Variants in NRXN3 observed in about 807,000 individuals in gnomAD.
NRXN3 encodes the protein neurexin 3.
Under a neutral mutation model 137.6 loss-of-function variants are expected in NRXN3, and 32 were observed. The ratio of observed to expected loss-of-function variants is 0.23; its 90% CI spans 0.18 to 0.31. The LOEUF (loss-of-function observed/expected upper bound fraction) is 0.31. Among genes scored for constraint, NRXN3 ranks in the 10% least tolerant of loss-of-function variants. NRXN3 has a pLI of 1.00. For synonymous variants in NRXN3, 798 were observed against 784.5 expected, an observed-to-expected ratio of 1.02 and a Z score of -0.29; for missense variants, 1,574 against 2,062.5, an observed-to-expected ratio of 0.76 and a Z score of 4.59.
At chr14:78,495,827 T>C (rs918521975) in intron 4 of NRXN3, among the ~76,000 whole-genome samples, 1 of 152,214 alleles carries the variant, frequency 6.6e-6, no homozygotes, top group Non-Finnish European at 1.5e-5. Context: ...CCCTTGTTGC[T>C]GCCCCCATCA....
chr14:78,244,752 A>G (rs1400308589), intron 2 of NRXN3, among the ~76,000 whole-genome samples: 1 of 152,136 alleles, frequency 6.6e-6, no homozygotes, highest in African/African-American at 2.4e-5. Flanking sequence ...CATCCTCTCC[A>G]TGTACTGAGA....
At chr14:79,336,431 G>C (rs2092265914) in intron 15 of NRXN3, among the ~76,000 whole-genome samples, 1 of 152,158 alleles carries the variant, frequency 6.6e-6, no homozygotes, top group Non-Finnish European at 1.5e-5. Context: ...GCATACTTTG[G>C]TGTCCACAGT....
chr14:79,038,070 G>A (rs141562826), intron 15 of NRXN3, among the ~76,000 whole-genome samples: 12 of 152,006 alleles, frequency 7.9e-5, no homozygotes, highest in Non-Finnish European at 5.9e-5. Context: ...ATGAATATTT[G>A]TAAATCCATG....
chr14:79,284,130 A>G (rs1373703761), intron 15 of NRXN3, among the ~76,000 whole-genome samples: 1 of 151,278 alleles, frequency 6.6e-6, no homozygotes, highest in Non-Finnish European at 1.5e-5. Context: ...CCAAGCTTTA[A>G]TTACATAAGC....
At chr14:79,256,966 G>T (rs1028577379) in intron 15 of NRXN3, among the ~76,000 whole-genome samples, 6 of 152,090 alleles carry the variant, frequency 3.9e-5, no homozygotes, top group African/African-American at 1.4e-4. Context: ...GGTTTATAAG[G>T]TTCACTTCTT....
intron 15 of NRXN3, among the ~76,000 whole-genome samples, chr14:79,450,397 T>C (rs1447253985): frequency 5.3e-5 from 8 of 152,320 alleles, no homozygotes; most frequent in South Asian, 4.1e-4. Flanking sequence ...TAATGGATTG[T>C]AAATTGCAAA....
intron 16 of NRXN3, among the ~76,000 whole-genome samples, chr14:79,603,341 G>A (rs529080863): frequency 1.9e-4 from 29 of 152,132 alleles, no homozygotes; most frequent in Non-Finnish European, 2.8e-4. Context: ...CTACTTCATC[G>A]CCTCCTGCAC....
chr14:79,791,695 G>T (rs866620361), intron 19 of NRXN3, among the ~76,000 whole-genome samples: 2 of 151,962 alleles, frequency 1.3e-5, no homozygotes, highest in African/African-American at 4.8e-5. Context: ...AGCTCCACAT[G>T]TCCCGTGCAA....
intron 4 of NRXN3, among the ~76,000 whole-genome samples, chr14:78,428,095 G>T (rs2093729591): frequency 6.6e-6 from 1 of 152,142 alleles, no homozygotes; most frequent in Admixed American, 6.5e-5. Context: ...ACTTTACAGG[G>T]TTTTTAAAAG....
rs575916964 is a variant in NRXN3 at position 78,776,975 on chromosome 14, C to T, written c.2045-26645C>T. On this transcript the variant is annotated intron_variant, in intron 8 of 20. Transcript: ENST00000335750. ...TGCTGATGTTGCTGGTCTCAGAGCC[C>T]TACTTTGAAAACCACTGGTCTATTG... 1.5e-4 allele frequency among the ~76,000 whole-genome samples: 23 copies of T among 152,222 alleles called. No individual in the cohort carries two copies. In the East Asian group the frequency reaches 4.1e-3, roughly 27 times the overall value.
chr14:78,595,013 G>T (rs1014794223), intron 4 of NRXN3, among the ~76,000 whole-genome samples: 1 of 152,184 alleles, frequency 6.6e-6, no homozygotes, highest in Non-Finnish European at 1.5e-5. Flanking sequence ...GGCTATGGTG[G>T]TGAGCAGAAC....
intron 4 of NRXN3, among the ~76,000 whole-genome samples, chr14:78,618,144 T>G (rs2097364924): frequency 6.6e-6 from 1 of 152,084 alleles, no homozygotes. Context: ...ACTAGTCCCT[T>G]GTTCAGGTGC....
intron 19 of NRXN3, among the ~76,000 whole-genome samples, chr14:79,771,053 C>T (rs2099076305): frequency 6.6e-6 from 1 of 152,096 alleles, no homozygotes. Context: ...TTGAAACATA[C>T]ACTCTCCCAA....
At chr14:79,749,556 C>T (rs1023476684) in intron 19 of NRXN3, among the ~76,000 whole-genome samples, 3 of 151,948 alleles carry the variant, frequency 2.0e-5, no homozygotes, top group Non-Finnish European at 1.5e-5. Flanking sequence ...AGTGAGCCAC[C>T]GTGCAGTGCC....
rs144834990 is a variant in NRXN3, at chr14:78,460,473, A to G, written c.757+162613A>G. ...TAGTCATTTCATTGGCATATAAAAG[A>G]CACTATGGCGATTCCAAGGATTTTA... is the stretch of plus-strand genomic sequence containing the variant. On this transcript the variant is annotated intron_variant, in intron 4 of 20. Transcript: ENST00000335750. 3.6e-4 allele frequency among the ~76,000 whole-genome samples: 55 copies of G among 152,326 alleles called. 1 individual carries two copies. Among genetic ancestry groups the G allele is most frequent in the African/African-American group, 1.3e-3 (53 of 41,576 alleles).
intron 4 of NRXN3, among the ~76,000 whole-genome samples, chr14:78,471,633 T>G (rs944247403): frequency 3.3e-5 from 5 of 152,112 alleles, no homozygotes; most frequent in Non-Finnish European, 7.4e-5. Flanking sequence ...TGTTGATGAG[T>G]TTTTTTACCC....
intron 15 of NRXN3, among the ~76,000 whole-genome samples, chr14:79,245,388 G>A: frequency 6.6e-6 from 1 of 151,880 alleles, no homozygotes. Flanking sequence ...AGAGACCATG[G>A]GAAGAGAAGG....
At chr14:79,697,601 A>G (rs750138606) in intron 18 of NRXN3, 29 bp from the exon 19 acceptor site, 3 of 1,599,938 alleles carry the variant, frequency 1.9e-6, no homozygotes, top group African/African-American at 2.7e-5. Flanking sequence ...GTATGAGAAT[A>G]ATAATGTTTC....
intron 10 of NRXN3, among the ~76,000 whole-genome samples, chr14:78,912,875 G>A (rs2099243140): frequency 6.6e-6 from 1 of 152,020 alleles, no homozygotes; most frequent in Non-Finnish European, 1.5e-5. Context: ...GAATTAAAGG[G>A]CCCTGTCCAT....
Sources: gnomAD v4.1 joint callset for allele counts (sites outside exome capture counted in the v4.1 genomes callset) on GRCh38, gnomAD v4.1.1 for gene constraint, MANE v1.5 for transcripts, NCBI Gene and HGNC (gene_info 2026-07-23, HGNC 2026-07-21) for gene names.